The following KCNH3 variants were observed in gnomAD, a reference collection of about 807,000 sequenced individuals.
KCNH3 encodes voltage-gated inwardly rectifying potassium channel KCNH3.
In KCNH3, 36 loss-of-function variants were observed where a neutral mutation model predicts 95.6. The observed-to-expected ratio is 0.38, with a 90% confidence interval of 0.29 to 0.50. The LOEUF is 0.50. Ranked by LOEUF, KCNH3 falls within the 20% of genes least tolerant of loss-of-function variation. The pLI is 0.95. For missense variants in KCNH3, 1,030 were observed against 1,484.1 expected (o/e 0.69, Z 5.03); for synonymous variants, 620 against 646.3 (o/e 0.96, Z 0.62).
In KCNH3 at chr12:49,557,453, T is replaced by C; in HGVS notation, c.2752T>C (p.Cys918Arg). The change falls in exon 15 of 15, where the codon TGC becomes CGC. Residue 918 changes from cysteine to arginine, a missense_variant. Transcript: ENST00000257981. Reference sequence around the variant, plus strand: ...CCTGGCGCCCCACAGGGAGGGTCCGTGCCCTCGGGCATCGGGAGAGGGGCC... The same window carrying C: ...CCTGGCGCCCCACAGGGAGGGTCCGCGCCCTCGGGCATCGGGAGAGGGGCC... ...LVLAPHREGPCPRASGEGPCP... is the reference protein window; with the variant it reads ...LVLAPHREGPRPRASGEGPCP... 6.2e-7 allele frequency: 1 copy of C among 1,610,808 alleles called. No homozygotes were observed. The highest frequency in any genetic ancestry group is 8.5e-7 in the Non-Finnish European group (1 of 1,178,802).
intron 13 of KCNH3, chr12:49,556,754 T>TA (rs34930889): frequency 1.8e-5 from 12 of 677,286 alleles, no homozygotes; most frequent in South Asian, 4.5e-5. Flanking sequence ...TTCCTGTCTG[T>TA]AAAAAAATGG....
In KCNH3 at chr12:49,555,695, G is replaced by C; in HGVS notation, c.2212G>C (p.Gly738Arg). 1.2e-6 allele frequency: 2 copies of C among 1,609,586 alleles called. No homozygotes were observed. The highest frequency in any genetic ancestry group is 4.5e-5 in the East Asian group (2 of 44,742). The change falls in exon 12 of 15, where the codon GGC becomes CGC. Residue 738 changes from glycine (G) to arginine (R), a missense_variant. Gly to Arg is a moderately radical substitution (Grantham distance 125). Transcript: ENST00000257981. ...GGAGAAGGAGACAGATGGGGAGCAG[G>C]GCCCCACGGTCTCCCCAGCCCCAGC... ...LEEKETDGEQ[G>R]PTVSPAPADE...
chr12:49,545,968 C>T (rs1475614999), intron 7 of KCNH3, among the ~76,000 whole-genome samples: 1 of 152,136 alleles, frequency 6.6e-6, no homozygotes, highest in East Asian at 1.9e-4. Flanking sequence ...GTCAGCTGCT[C>T]TGGGGTCAGA....
chr12:49,543,703 C>CTGG, intron 5 of KCNH3, 185 bp downstream of exon 5: 1 of 1,029,514 alleles, frequency 9.7e-7, no homozygotes, highest in Non-Finnish European at 1.4e-6. Context: ...TGACCTTGAG[C>CTGG]TGGTCAAAGC....
At chr12:49,549,780 T>C (rs780254878) in intron 9 of KCNH3, 140 bp downstream of exon 9, 9 of 868,128 alleles carry the variant, frequency 1.0e-5, no homozygotes, top group African/African-American at 3.3e-5. Flanking sequence ...GACAGCGGCA[T>C]GGGACAGAGG....
rs761342004 is a variant in KCNH3 at position 49,555,996 on chromosome 12, G to A, written c.2468+45G>A. The A allele has an allele frequency of 1.3e-5, 12 of 959,236 alleles. 1 individual carries two copies. The South Asian group carries it at 1.7e-4, about 14-fold the overall frequency. 59.4% of individuals were successfully genotyped at this position (959,236 alleles called of 1,614,324 possible). On this transcript the variant is annotated intron_variant, in intron 12 of 14. Coordinates refer to ENST00000257981, the MANE Select transcript of KCNH3 (RefSeq NM_012284.3). ...CCGTGGCAGAGATGGTGGTGATGAG[G>A]CTGAGGCCCTGGGCAGGCGCACCCT...
In KCNH3 at chr12:49,539,310, G is replaced by T. The variant is rs1362464401; in HGVS notation, c.-107G>T. 3.4e-6 allele frequency: 2 copies of T among 584,062 alleles called. No homozygotes were observed. The highest frequency in any genetic ancestry group is 5.0e-6 in the Non-Finnish European group (2 of 399,402). The allele number at this position is 584,062 out of a possible 1,614,324, so 36.2% of individuals were successfully genotyped here. A position where few individuals can be genotyped will look rare whatever the true frequency, so the allele number is the denominator to read the frequency against. ...CTGCGCATTGCCCCCCGACGGCTGC[G>T]CTAGGGAGCGCGGGGCCCGGCGGGG... is the stretch of plus-strand genomic sequence containing the variant. On this transcript the variant is annotated 5_prime_UTR_variant, in exon 1 of 15. Transcript: ENST00000257981. The surrounding 1 kb of genome is among the most constrained non-coding windows in gnomAD (Gnocchi z 6.7).
intron 7 of KCNH3, among the ~76,000 whole-genome samples, chr12:49,544,824 C>G (rs1230872136): frequency 6.6e-6 from 1 of 151,966 alleles, no homozygotes; most frequent in Non-Finnish European, 1.5e-5. Context: ...TCTGTCATCT[C>G]TAGTCCACAT....
rs773583513 is a variant in KCNH3, at chr12:49,557,615, A to G, written c.2914A>G (p.Met972Val). Reference protein sequence around the residue: ...PHPRPGPPPLMAPWPWGPPAS... With the variant: ...PHPRPGPPPLVAPWPWGPPAS... ...CCCTCGTCCGGGGCCTCCTCCCCTC[A>G]TGGCACCCTGGCCCTGGGGTCCCCC... Residue 972 changes from methionine (M) to valine (V), a missense_variant, in exon 15 of 15, where the codon ATG (methionine) becomes GTG (valine). This residue lies in a region of KCNH3 where 464 missense variants were observed against 493.2 expected (regional missense o/e 0.94). Transcript: ENST00000257981. The G allele has an allele frequency of 1.9e-6, 3 of 1,613,376 alleles. No homozygotes were observed. The highest frequency in any genetic ancestry group is 1.7e-6 in the Non-Finnish European group (2 of 1,179,908).
At chr12:49,545,227 C>T (rs1565776161) in intron 7 of KCNH3, among the ~76,000 whole-genome samples, 1 of 151,994 alleles carries the variant, frequency 6.6e-6, no homozygotes, top group African/African-American at 2.4e-5. Flanking sequence ...CCACTGACAC[C>T]GAGTGAGCAT....
rs1209547564 is a variant in KCNH3 at position 49,539,091 on chromosome 12, G to C, written c.-326G>C. ...CCGAGAGCCGGCGCCGAGCGAAGCC[G>C]AGCGGAAGCCCACCCGCAGCCGACA... On this transcript the variant is annotated 5_prime_UTR_variant, in exon 1 of 15. Coordinates refer to ENST00000257981, the MANE Select transcript of KCNH3 (RefSeq NM_012284.3). The surrounding 1 kb of genome is among the most constrained non-coding windows in gnomAD (Gnocchi z 6.7). 6.6e-6 allele frequency: 1 copy of C among 152,270 alleles called. No homozygotes were observed. The highest frequency in any genetic ancestry group is 1.5e-5 in the Non-Finnish European group (1 of 68,086). 9.4% of individuals were successfully genotyped at this position (152,270 alleles called of 1,614,324 possible).
chr12:49,540,821 C>A, intron 1 of KCNH3, 78 bp from the exon 2 acceptor site: 3 of 1,192,482 alleles, frequency 2.5e-6, no homozygotes, highest in Non-Finnish European at 3.7e-6. Flanking sequence ...TCTTTGGTTG[C>A]AGGCATTTGA....
At chr12:49,549,224 G>A in intron 8 of KCNH3, 51 bp downstream of exon 8, 1 of 1,530,642 alleles carries the variant, frequency 6.5e-7, no homozygotes, top group Non-Finnish European at 8.8e-7. Context: ...ACTTCTGCCC[G>A]CAGGCGGCGC....
At chr12:49,546,963 C>A (rs1217426400) in intron 7 of KCNH3, among the ~76,000 whole-genome samples, 1 of 152,202 alleles carries the variant, frequency 6.6e-6, no homozygotes, top group Admixed American at 6.5e-5. Context: ...GGCGCAATCT[C>A]GGCTCACTGC....
In KCNH3 at chr12:49,557,828, G is replaced by A. The variant is rs1938531959; in HGVS notation, c.3127G>A (p.Glu1043Lys). Residue 1043 changes from glutamate to lysine, a missense_variant, in exon 15 of 15, where the codon GAG becomes AAG. Physicochemically the swap from Glu to Lys is moderately conservative, Grantham distance 56. Around this residue, in one of 9 missense-constraint regions of KCNH3, gnomAD observed 464 missense variants for 493.2 expected, o/e 0.94. Transcript: ENST00000257981. Reference sequence around the variant, plus strand: ...CCAGGCTGAGGCTACCAGCACTGGAGAGCCCCCACCAGGGTCAGGGGGCCT... The same window carrying A: ...CCAGGCTGAGGCTACCAGCACTGGAAAGCCCCCACCAGGGTCAGGGGGCCT... ...VSQAEATSTG[E>K]PPPGSGGLAL... is the part of the protein sequence containing the mutation. The A allele has an allele frequency of 6.2e-7, 1 of 1,601,526 alleles. No individual in the cohort carries two copies. Among genetic ancestry groups the A allele is most frequent in the Non-Finnish European group, 8.5e-7 (1 of 1,171,882 alleles).
intron 7 of KCNH3, among the ~76,000 whole-genome samples, chr12:49,544,737 C>G (rs1033565115): frequency 2.2e-4 from 34 of 151,910 alleles, no homozygotes; most frequent in African/African-American, 8.0e-4. Flanking sequence ...CCCCCCGCAT[C>G]CTCTCTGAAG....
At position 49,555,852 on chromosome 12, in the gene KCNH3, C is replaced by T. The variant is rs372357254; in HGVS notation, c.2369C>T (p.Ala790Val). 8 of 1,611,800 alleles carry T rather than the reference C, an allele frequency of 5.0e-6. No individual in the cohort carries two copies. The highest frequency in any genetic ancestry group is 4.4e-5 in the South Asian group (4 of 90,810). Residue 790 changes from alanine (A) to valine (V), a missense_variant, in exon 12 of 15, where the codon GCT becomes GTT. Physicochemically the swap from Ala to Val is moderately conservative, Grantham distance 64. Around this residue, in one of 9 missense-constraint regions of KCNH3, gnomAD observed 464 missense variants for 493.2 expected, o/e 0.94. Transcript: ENST00000257981. Reference protein sequence around the residue: ...GGRGRPGRAGALKAEAGPSAP... With the variant: ...GGRGRPGRAGVLKAEAGPSAP... Reference sequence around the variant, plus strand: ...AGAGGGAGGCCAGGCAGGGCAGGGGCTTTGAAGGCTGAGGCTGGCCCCTCT... The same window carrying T: ...AGAGGGAGGCCAGGCAGGGCAGGGGTTTTGAAGGCTGAGGCTGGCCCCTCT...
intron 12 of KCNH3, 104 bp downstream of exon 12, chr12:49,556,055 G>T (rs558701518): frequency 4.7e-6 from 3 of 639,754 alleles, no homozygotes; most frequent in South Asian, 1.9e-5. Flanking sequence ...CTTAACTCCC[G>T]CTAGTCTATG....
chr12:49,552,053 T>A (rs746815633), intron 10 of KCNH3, among the ~76,000 whole-genome samples: 29 of 152,220 alleles, frequency 1.9e-4, no homozygotes, highest in Non-Finnish European at 3.8e-4. Context: ...CTACATGCGG[T>A]TTATGCCAGC....
Sources: gnomAD v4.1 joint callset for allele counts (sites outside exome capture counted in the v4.1 genomes callset) on GRCh38, gnomAD v4.1.1 for gene constraint, gnomAD v4.1.1 regional missense constraint, Gnocchi (gnomAD v3.1) non-coding constraint, MANE v1.5 for transcripts, NCBI Gene and HGNC (gene_info 2026-07-23, HGNC 2026-07-21) for gene names.